MITD1: variants seen among roughly 807,000 people sequenced by gnomAD.
MITD1 encodes microtubule interacting and trafficking domain containing 1.
A neutral mutation model predicts 34.9 loss-of-function variants in MITD1; 24 were observed. The observed-to-expected ratio is 0.69, with a 90% CI of 0.50 to 0.97. The LOEUF (loss-of-function observed/expected upper bound fraction) is 0.97. Among genes scored for constraint, MITD1 ranks in the 50% least tolerant of loss-of-function variants. The probability of loss-of-function intolerance (pLI) is 0.00; values close to 1 mark genes in which losing one functional copy is unlikely to be tolerated. For synonymous variants in MITD1, 102 were observed against 101.4 expected (o/e 1.01, Z -0.04); for missense variants, 266 against 294.6 (o/e 0.90, Z 0.71).
chr2:99,166,385 A>C (rs6542868), downstream of MITD1, among the ~76,000 whole-genome samples: 76,955 of 151,448 alleles, frequency 0.51, 21,453 homozygotes, highest in Middle Eastern at 0.7. Context: ...ATATGGTAGT[A>C]CAGAGATCAC....
chr2:99,180,663 A>C, intron 1 of MITD1, 168 bp downstream of exon 1: 1 of 645,700 alleles, frequency 1.5e-6, no homozygotes, highest in Non-Finnish European at 2.8e-6. Context: ...AATCTATTAA[A>C]GATCTAAAAG....
At chr2:99,168,978 T>TTTTTTTTTTTTTTTTTTTTG (rs70940146), downstream of MITD1, among the ~76,000 whole-genome samples, 1 of 103,030 alleles carries the variant, frequency 9.7e-6, no homozygotes, top group African/African-American at 3.6e-5. Flanking sequence ...TTTTTTTTTT[T>TTTTTTTTTTTTTTTTTTTTG]CTGATACAGG....
downstream of MITD1, among the ~76,000 whole-genome samples, chr2:99,168,229 C>T (rs949388132): frequency 2.0e-5 from 3 of 152,180 alleles, no homozygotes; most frequent in African/African-American, 7.2e-5. Context: ...GCAGCCTCCA[C>T]CTCCAGGGTT....
At position 99,173,950 on chromosome 2, in the gene MITD1, T is replaced by C. The variant is rs200819459; in HGVS notation, c.218A>G (p.Glu73Gly). 6.2e-7 allele frequency: 1 copy of C among 1,610,296 alleles called. No homozygotes were observed. Among genetic ancestry groups the C allele is most frequent in the Non-Finnish European group, 8.5e-7 (1 of 1,176,920 alleles). ...TTGGTCCAAGTACTTCTTTATGTTT[T>C]CCGCTCTGTCCATGTATTTGGAAAT... ...EKISKYMDRA[E>G]NIKKYLDQEK... Residue 73 changes from glutamate (E) to glycine (G), a missense_variant, in exon 2 of 7, where the codon GAA (glutamate) becomes GGA (glycine). Physicochemically the swap from Glu to Gly is moderately conservative, Grantham distance 98. Coordinates refer to ENST00000289359, the MANE Select transcript of MITD1 (RefSeq NM_138798.3).
At chr2:99,176,624 G>A (rs942306666) in intron 1 of MITD1, among the ~76,000 whole-genome samples, 6 of 152,240 alleles carry the variant, frequency 3.9e-5, no homozygotes, top group African/African-American at 1.4e-4. Context: ...ACCACACCTG[G>A]CCATTCGTAA....
At chr2:99,166,216 T>G (rs1011378314), downstream of MITD1, among the ~76,000 whole-genome samples, 3 of 148,204 alleles carry the variant, frequency 2.0e-5, no homozygotes, top group Non-Finnish European at 4.5e-5. Flanking sequence ...GGTTACTACC[T>G]AGTACCTAGC....
At chr2:99,176,616 C>T (rs2093888469) in intron 1 of MITD1, among the ~76,000 whole-genome samples, 3 of 152,248 alleles carry the variant, frequency 2.0e-5, no homozygotes, top group Non-Finnish European at 4.4e-5. Flanking sequence ...CGTGAGCCAC[C>T]ACACCTGGCC....
At chr2:99,176,523 C>T (rs949004924) in intron 1 of MITD1, among the ~76,000 whole-genome samples, 3 of 151,854 alleles carry the variant, frequency 2.0e-5, no homozygotes, top group African/African-American at 7.3e-5. Context: ...GACAGGGTTT[C>T]GCCATGTTGG....
At chr2:99,177,098 A>G (rs2093892126) in intron 1 of MITD1, among the ~76,000 whole-genome samples, 1 of 152,230 alleles carries the variant, frequency 6.6e-6, no homozygotes, top group African/African-American at 2.4e-5. Flanking sequence ...CACAGAGCTC[A>G]TTCTAGCTTT....
In MITD1 at chr2:99,175,931, G is replaced by A. The variant is rs1434723177; in HGVS notation, c.152-1915C>T. Among the ~76,000 whole-genome samples the A allele has an allele frequency of 2.0e-5, 3 of 152,052 alleles. No individual in the cohort carries two copies. The East Asian group carries it at 5.8e-4, about 29-fold the overall frequency. On this transcript the variant is annotated intron_variant, in intron 1 of 6. Coordinates refer to ENST00000289359, the MANE Select transcript of MITD1 (RefSeq NM_138798.3). ...TATTATGTCCTTACATTTTGATTCA[G>A]GATTTTTTTGTTTCATTTTGTTTCG...
At chr2:99,177,189 C>T (rs2093892659) in intron 1 of MITD1, among the ~76,000 whole-genome samples, 1 of 152,162 alleles carries the variant, frequency 6.6e-6, no homozygotes, top group African/African-American at 2.4e-5. Context: ...TGTAGTAGTT[C>T]AGTCTTAGTC....
chr2:99,176,194 C>T (rs573971357), intron 1 of MITD1, among the ~76,000 whole-genome samples: 1 of 152,280 alleles, frequency 6.6e-6, no homozygotes, highest in Non-Finnish European at 1.5e-5. Flanking sequence ...TCAGGCAATC[C>T]GCCTGCCTTG....
Position 99,173,906 on chromosome 2 carries a change from C to G in MITD1, c.253+9G>C. 6.4e-7 allele frequency: 1 copy of G among 1,562,280 alleles called. No individual in the cohort carries two copies. The highest frequency in any genetic ancestry group is 8.8e-7 in the Non-Finnish European group (1 of 1,133,882). On this transcript the variant is annotated intron_variant, in intron 2 of 6. Transcript: ENST00000289359. ...TTTATGGATGCATTTTCTAAAACAA[C>G]CTCTTTACCTTCTTTTTCTTGGTCC... is the stretch of plus-strand genomic sequence containing the variant.
At chr2:99,164,290 C>T (rs1354487646), downstream of MITD1, among the ~76,000 whole-genome samples, 2 of 152,030 alleles carry the variant, frequency 1.3e-5, no homozygotes, top group East Asian at 3.9e-4. Context: ...AAATGAGTCC[C>T]TCCAGCCCCC....
chr2:99,164,755 A>G (rs948832689), downstream of MITD1, among the ~76,000 whole-genome samples: 1 of 152,150 alleles, frequency 6.6e-6, no homozygotes, highest in African/African-American at 2.4e-5. Flanking sequence ...TTACTCATGA[A>G]CATTTCACAC....
At chr2:99,167,251 A>C (rs1304982641), downstream of MITD1, among the ~76,000 whole-genome samples, 1 of 152,144 alleles carries the variant, frequency 6.6e-6, no homozygotes, top group Non-Finnish European at 1.5e-5. Context: ...TTAATTTATA[A>C]ATTAAGTTAG....
chr2:99,171,477 G>T (rs771467744), intron 3 of MITD1, 33 bp downstream of exon 3: 24 of 1,586,906 alleles, frequency 1.5e-5, no homozygotes, highest in Non-Finnish European at 2.1e-5. Context: ...CATTGAATAT[G>T]ATATTTCATT....
intron 5 of MITD1, among the ~76,000 whole-genome samples, chr2:99,170,126 T>C (rs1485000329): frequency 2.0e-5 from 3 of 152,372 alleles, no homozygotes; most frequent in East Asian, 1.9e-4. Flanking sequence ...TGTTTTCTTA[T>C]AGACTCAGCA....
At position 99,170,657 on chromosome 2, in the gene MITD1, T is replaced by A; in HGVS notation, c.478-5A>T. 2 of 1,431,776 alleles carry A rather than the reference T, an allele frequency of 1.4e-6. No individual in the cohort carries two copies. The highest frequency in any genetic ancestry group is 2.0e-6 in the Non-Finnish European group (2 of 1,016,214). The allele number at this position is 1,431,776 out of a possible 1,614,324, so 88.7% of individuals were successfully genotyped here. A position where few individuals can be genotyped will look rare whatever the true frequency, so the allele number is the denominator to read the frequency against. On this transcript the variant is annotated splice_polypyrimidine_tract_variant and splice_region_variant and intron_variant, in intron 4 of 6. Transcript: ENST00000289359. ...TTGCTGCACTTGCTCAATGCCCTGTTAATAGCAAAAATACGATTATCTGCC... is the reference window on the plus strand; with the variant it reads ...TTGCTGCACTTGCTCAATGCCCTGTAAATAGCAAAAATACGATTATCTGCC...
Sources: allele counts gnomAD v4.1 joint callset (sites outside exome capture counted in the v4.1 genomes callset), GRCh38; gene constraint gnomAD v4.1.1; transcripts MANE v1.5; gene names NCBI Gene and HGNC (gene_info 2026-07-23, HGNC 2026-07-21).